ST3GAL4: variants seen among roughly 807,000 people sequenced by gnomAD.
ST3GAL4 encodes the protein CMP-N-acetylneuraminate-beta-galactosamide-alpha-2,3-sialyltransferase 4.
Under a neutral mutation model 42.6 loss-of-function variants are expected in ST3GAL4, and 24 were observed. That is an observed-to-expected ratio of 0.56 (90% CI 0.41 to 0.79). The LOEUF (loss-of-function observed/expected upper bound fraction) is 0.79. Ranked by LOEUF, ST3GAL4 falls within the 30% of genes least tolerant of loss-of-function variation. ST3GAL4 has a pLI of 0.00. For missense variants in ST3GAL4, 311 were observed against 430.8 expected, an observed-to-expected ratio of 0.72 and a Z score of 2.46; for synonymous variants, 135 against 163.2, an observed-to-expected ratio of 0.83 and a Z score of 1.32.
At chr11:126,371,163 C>CTTTTCTTTTTTTTTTTTTTTTTT (rs1952628580) in intron 1 of ST3GAL4, among the ~76,000 whole-genome samples, 1 of 59,974 alleles carries the variant, frequency 1.7e-5, no homozygotes, top group Non-Finnish European at 3.0e-5. Flanking sequence ...CCCCACATTC[C>CTTTTCTTTTTTTTTTTTTTTTTT]TTTTTTTTTT....
intron 1 of ST3GAL4, among the ~76,000 whole-genome samples, chr11:126,399,816 A>G (rs1953929714): frequency 6.6e-6 from 1 of 152,156 alleles, no homozygotes; most frequent in South Asian, 2.1e-4. Context: ...CTGCTTTGTA[A>G]CAAGGATGAC....
At chr11:126,401,342 C>T (rs1291438956) in intron 1 of ST3GAL4, among the ~76,000 whole-genome samples, 3 of 151,318 alleles carry the variant, frequency 2.0e-5, no homozygotes, top group Non-Finnish European at 4.4e-5. Context: ...CTGAGGTGGG[C>T]GGATCGCTTG....
intron 1 of ST3GAL4, among the ~76,000 whole-genome samples, chr11:126,362,220 C>T (rs1451713827): frequency 4.8e-5 from 5 of 104,856 alleles, no homozygotes; most frequent in Non-Finnish European, 9.2e-5. Context: ...TTTTTTAAGA[C>T]GGAGTCTCAC....
At chr11:126,358,032 G>A (rs1256450657) in intron 1 of ST3GAL4, among the ~76,000 whole-genome samples, 3 of 152,266 alleles carry the variant, frequency 2.0e-5, no homozygotes, top group Non-Finnish European at 4.4e-5. Flanking sequence ...TGGGCCCCAA[G>A]TGGGGTCTGA....
rs540588867 is a variant in ST3GAL4 at position 126,385,865 on chromosome 11, A to G, written c.-60-20231A>G. ...TGTCTCAAAAAAAAAAAGCGAATCC[A>G]GTGGTGTCACTCTTTGTTATCAATG... On this transcript the variant is annotated intron_variant, in intron 1 of 10. Transcript: ENST00000444328. Among the ~76,000 whole-genome samples, 705 of 150,452 alleles carry G rather than the reference A, an allele frequency of 4.7e-3. 6 individuals are homozygous for G. Among genetic ancestry groups the G allele is most frequent in the African/African-American group, 0.015 (613 of 40,514 alleles).
Position 126,383,513 on chromosome 11 carries a change from G to A in ST3GAL4, c.-60-22583G>A, listed in dbSNP as rs1316363117. On this transcript the variant is annotated intron_variant, in intron 1 of 10. Coordinates refer to ENST00000444328, the MANE Select transcript of ST3GAL4 (RefSeq NM_001254757.2). The surrounding 1 kb of genome is among the most constrained non-coding windows in gnomAD (Gnocchi z 4.5). ...TGCCCTGGCTTGGGGGGGCCCTCAAGCCCCGGAAGCTGTATGTGGGCATGG... is the reference window on the plus strand; with the variant it reads ...TGCCCTGGCTTGGGGGGGCCCTCAAACCCCGGAAGCTGTATGTGGGCATGG... 6.6e-6 allele frequency among the ~76,000 whole-genome samples: 1 copy of A among 152,158 alleles called. No individual in the cohort carries two copies. The highest frequency in any genetic ancestry group is 2.4e-5 in the African/African-American group (1 of 41,442).
chr11:126,360,644 G>C (rs544937410), intron 1 of ST3GAL4, among the ~76,000 whole-genome samples: 2 of 152,148 alleles, frequency 1.3e-5, no homozygotes, highest in Non-Finnish European at 2.9e-5. Flanking sequence ...GGCTGGTCTC[G>C]AACTCCTGAC....
At position 126,364,150 on chromosome 11, in the gene ST3GAL4, G is replaced by A. The variant is rs115738502; in HGVS notation, c.-61+8308G>A. Among the ~76,000 whole-genome samples, 229 of 152,330 alleles carry A rather than the reference G, an allele frequency of 1.5e-3. 2 individuals carry two copies. Among genetic ancestry groups the A allele is most frequent in the African/African-American group, 5.2e-3 (218 of 41,586 alleles). ...GGCAGAGGGAATGGGGAACAGCTGC[G>A]CTGGCCCATTCCGGCTCCATATGGA... is the stretch of plus-strand genomic sequence containing the variant. On this transcript the variant is annotated intron_variant, in intron 1 of 10. Coordinates refer to ENST00000444328, the MANE Select transcript of ST3GAL4 (RefSeq NM_001254757.2).
rs561234244 is a variant in ST3GAL4, at chr11:126,394,610, A to T, written c.-60-11486A>T. Among the ~76,000 whole-genome samples the T allele has an allele frequency of 1.2e-3, 179 of 152,102 alleles. 3 individuals are homozygous for T. The highest frequency in any genetic ancestry group is 1.2e-3 in the Admixed American group (18 of 15,276). On this transcript the variant is annotated intron_variant, in intron 1 of 10. Transcript: ENST00000444328. ...CGGCTAATTTTTGTATTTTTTATAG[A>T]GATGGGGTTTCACCATGATGCCCAG...
rs1055768689 is a variant in ST3GAL4 at position 126,411,052 on chromosome 11, G to A, written c.771+1641G>A. On this transcript the variant is annotated intron_variant, in intron 9 of 10. Coordinates refer to ENST00000444328, the MANE Select transcript of ST3GAL4 (RefSeq NM_001254757.2). The surrounding 1 kb of genome is among the most constrained non-coding windows in gnomAD (Gnocchi z 6.3). ...TGCCATTCATAGGATTACAGATGGA[G>A]AGGAGGCTGGAGAGGGAGATGAGAG... Among the ~76,000 whole-genome samples the A allele has an allele frequency of 3.3e-5, 5 of 152,222 alleles. No individual in the cohort carries two copies. Among genetic ancestry groups the A allele is most frequent in the Non-Finnish European group, 7.3e-5 (5 of 68,036 alleles).
At chr11:126,408,036 TC>T in intron 6 of ST3GAL4, 62 bp from the exon 7 acceptor site, 1 of 1,551,950 alleles carries the variant, frequency 6.4e-7, no homozygotes, top group Non-Finnish European at 8.8e-7. Context: ...CCCAGGCAGA[TC>T]CAGGGCAGCG....
chr11:126,358,415 A>C (rs1444780303), intron 1 of ST3GAL4: 1 of 439,320 alleles, frequency 2.3e-6, no homozygotes, highest in Admixed American at 2.5e-5. Context: ...CCCTTCCCAG[A>C]GGCTTCTGTA....
chr11:126,362,784 C>T (rs556484238), intron 1 of ST3GAL4, among the ~76,000 whole-genome samples: 6 of 152,338 alleles, frequency 3.9e-5, no homozygotes, highest in Admixed American at 3.3e-4. Flanking sequence ...GTATCTGCCA[C>T]GTCTCACAGC....
chr11:126,409,342 C>G lies in ST3GAL4; in HGVS notation c.702C>G (p.Pro234=). ...VNPKQIRILN[P]FFMEIAADKL... is the part of the protein sequence containing the mutation. Reference sequence around the variant, plus strand: ...CTAAACAGATTCGGATTCTCAACCCCTTCTTCATGGAGATTGCAGCTGACA... The same window carrying G: ...CTAAACAGATTCGGATTCTCAACCCGTTCTTCATGGAGATTGCAGCTGACA... Residue 234 remains proline, a synonymous_variant, in exon 9 of 11, where the codon CCC becomes CCG. Coordinates refer to ENST00000444328, the MANE Select transcript of ST3GAL4 (RefSeq NM_001254757.2). This position sits in a 1 kb window ranked among gnomAD's most constrained non-coding sequence, Gnocchi z 4.9. 2 of 1,614,262 alleles carry G rather than the reference C, an allele frequency of 1.2e-6. No homozygotes were observed. The highest frequency in any genetic ancestry group is 1.1e-5 in the South Asian group (1 of 91,092).
chr11:126,388,933 A>G (rs1034133386), intron 1 of ST3GAL4, among the ~76,000 whole-genome samples: 1 of 151,302 alleles, frequency 6.6e-6, no homozygotes, highest in African/African-American at 2.4e-5. Context: ...GCCTGCCACC[A>G]TGCCTGGCTA....
rs111958228 is a variant in ST3GAL4, at chr11:126,391,936, CGT to C, written c.-60-14125_-60-14124del. Among the ~76,000 whole-genome samples, 11,106 of 144,160 alleles carry C rather than the reference CGT, an allele frequency of 0.077. 488 individuals carry two copies. Among genetic ancestry groups the C allele is most frequent in the African/African-American group, 0.12 (4,570 of 38,180 alleles). The allele number at this position is 144,160 out of a possible 152,430, so 94.6% of individuals were successfully genotyped here. ...CTCAGAACACCTGTGATAACTTGGT[CGT>C]GTGTGTGTGTGTGTGTGTGTGTGTG... On this transcript the variant is annotated intron_variant, in intron 1 of 10. Coordinates refer to ENST00000444328, the MANE Select transcript of ST3GAL4 (RefSeq NM_001254757.2). The surrounding 1 kb of genome is among the most constrained non-coding windows in gnomAD (Gnocchi z 5.5).
rs1952832367 is a variant in ST3GAL4, at chr11:126,376,321, G to A, written c.-61+20479G>A. Among the ~76,000 whole-genome samples the A allele has an allele frequency of 6.6e-6, 1 of 152,186 alleles. No individual in the cohort carries two copies. Reference sequence around the variant, plus strand: ...ATAATATTTTAAAGAGTTTATTTGTGTAAGAAGTGAATTGGGAAACAGAAA... The same window carrying A: ...ATAATATTTTAAAGAGTTTATTTGTATAAGAAGTGAATTGGGAAACAGAAA... On this transcript the variant is annotated intron_variant, in intron 1 of 10. Coordinates refer to ENST00000444328, the MANE Select transcript of ST3GAL4 (RefSeq NM_001254757.2). The surrounding 1 kb of genome is among the most constrained non-coding windows in gnomAD (Gnocchi z 5.1).
At chr11:126,377,736 A>G (rs531449141) in intron 1 of ST3GAL4, among the ~76,000 whole-genome samples, 2 of 152,290 alleles carry the variant, frequency 1.3e-5, no homozygotes, top group South Asian at 2.1e-4. Context: ...TCAGCCTCCC[A>G]AAGTGCTGGG....
chr11:126,402,092 A>AGGTGGG (rs372167321), intron 1 of ST3GAL4, among the ~76,000 whole-genome samples: 3 of 139,126 alleles, frequency 2.2e-5, no homozygotes, highest in East Asian at 5.2e-4. Flanking sequence ...TTTGGGGGAA[A>AGGTGGG]GAGGGGAGGT....
Sources: gnomAD v4.1 joint callset for allele counts (sites outside exome capture counted in the v4.1 genomes callset) on GRCh38, gnomAD v4.1.1 for gene constraint, Gnocchi (gnomAD v3.1) non-coding constraint, MANE v1.5 for transcripts, NCBI Gene and HGNC (gene_info 2026-07-23, HGNC 2026-07-21) for gene names.